The following MTUS1 variants were observed in gnomAD, a reference collection of about 807,000 sequenced individuals.
The protein encoded by MTUS1 is microtubule-associated tumor suppressor 1.
Under a neutral mutation model 120.8 loss-of-function variants are expected in MTUS1, and 109 were observed. The ratio of observed to expected loss-of-function variants is 0.90; its 90% CI spans 0.77 to 1.06. The LOEUF is 1.06. Ranked by LOEUF, MTUS1 falls within the 50% of genes least tolerant of loss-of-function variation. MTUS1 has a pLI of 0.00. For synonymous variants in MTUS1, 737 were observed against 550.5 expected (o/e 1.34, Z -4.74); for missense variants, 2,210 against 1,486.3 (o/e 1.49, Z -8.01).
At position 17,644,125 on chromosome 8, in the gene MTUS1, A is replaced by T. The variant is rs1045970391; in HGVS notation, c.*1801T>A. 6 of 152,268 alleles carry T rather than the reference A, an allele frequency of 3.9e-5. No homozygotes were observed. Among genetic ancestry groups the T allele is most frequent in the African/African-American group, 1.4e-4 (6 of 41,476 alleles). 9.4% of individuals were successfully genotyped at this position (152,268 alleles called of 1,614,324 possible). ...TGAATGGCAAACCCAACTTTGGCTA[A>T]TGTCATTGAGAACAACTTGGAAGCG... On this transcript the variant is annotated 3_prime_UTR_variant, in exon 15 of 15. Coordinates refer to ENST00000693296, the MANE Select transcript of MTUS1 (RefSeq NM_001363059.2).
At chr8:17,728,735 T>C (rs1280018422) in intron 3 of MTUS1, among the ~76,000 whole-genome samples, 1 of 152,052 alleles carries the variant, frequency 6.6e-6, no homozygotes, top group African/African-American at 2.4e-5. Flanking sequence ...AGACTCATAA[T>C]TTTAGACCTT....
At position 17,676,482 on chromosome 8, in the gene MTUS1, G is replaced by A. The variant is rs115947733; in HGVS notation, c.2839-1230C>T. 2.9e-3 allele frequency: 1,778 copies of A among 612,772 alleles called. 23 individuals carry two copies. Among genetic ancestry groups the A allele is most frequent in the African/African-American group, 0.028 (1,520 of 54,516 alleles). 38.0% of individuals were successfully genotyped at this position (612,772 alleles called of 1,614,324 possible). A position where few individuals can be genotyped will look rare whatever the true frequency, so the allele number is the denominator to read the frequency against. ...CGGGCGTCTTACTTCATGTCCTGCA[G>A]GTTACCGTGTGCCTCGGATTCCTCA... On this transcript the variant is annotated intron_variant, in intron 7 of 14. Coordinates refer to ENST00000693296, the MANE Select transcript of MTUS1 (RefSeq NM_001363059.2).
In MTUS1 at chr8:17,726,551, A is replaced by G. The variant is rs1031324197; in HGVS notation, c.2288-2718T>C. ...TGCCAACAGTAAATGATGTATTTTG[A>G]TAATGTGTTCTCCCATCATCTATAC... On this transcript the variant is annotated intron_variant, in intron 3 of 14. Coordinates refer to ENST00000693296, the MANE Select transcript of MTUS1 (RefSeq NM_001363059.2). Among the ~76,000 whole-genome samples the G allele has an allele frequency of 3.3e-5, 5 of 152,202 alleles. No homozygotes were observed. In the East Asian group the frequency reaches 7.7e-4, roughly 23 times the overall value.
intron 8 of MTUS1, among the ~76,000 whole-genome samples, chr8:17,668,259 G>T (rs550541919): frequency 6.6e-6 from 1 of 152,306 alleles, no homozygotes; most frequent in African/African-American, 2.4e-5. Flanking sequence ...TAGTGTTAGT[G>T]CATTTTATGT....
intron 3 of MTUS1, among the ~76,000 whole-genome samples, chr8:17,724,638 T>G (rs1042707450): frequency 4.6e-5 from 7 of 152,206 alleles, no homozygotes. Context: ...GCGTATCCTC[T>G]GGCATCTCTG....
chr8:17,730,021 A>G (rs1364801257), intron 3 of MTUS1, among the ~76,000 whole-genome samples: 1 of 151,894 alleles, frequency 6.6e-6, no homozygotes, highest in African/African-American at 2.4e-5. Flanking sequence ...CAAAAAATTA[A>G]CAAGTGTTGG....
chr8:17,696,265 GA>G (rs1160022941), intron 6 of MTUS1, among the ~76,000 whole-genome samples: 11 of 152,132 alleles, frequency 7.2e-5, no homozygotes, highest in African/African-American at 2.6e-4. Flanking sequence ...AGAGGTGCTG[GA>G]AAAAATGAGA....
intron 1 of MTUS1, among the ~76,000 whole-genome samples, chr8:17,759,930 T>C (rs1053845909): frequency 6.6e-6 from 1 of 151,928 alleles, no homozygotes; most frequent in Non-Finnish European, 1.5e-5. Flanking sequence ...AAAAAGAGAT[T>C]GGGTGTGGTC....
At chr8:17,707,832 C>G (rs775997292) in intron 6 of MTUS1, among the ~76,000 whole-genome samples, 18 of 152,166 alleles carry the variant, frequency 1.2e-4, no homozygotes, top group Non-Finnish European at 2.5e-4. Context: ...ACATTCTTAA[C>G]CAATTATTTT....
chr8:17,676,781 TC>T, intron 7 of MTUS1, among the ~76,000 whole-genome samples: 1 of 152,106 alleles, frequency 6.6e-6, no homozygotes, highest in East Asian at 1.9e-4. Flanking sequence ...AACTTGTTCT[TC>T]GAAGCCCATA....
chr8:17,681,501 T>C (rs1814497797), intron 7 of MTUS1: 1 of 154,684 alleles, frequency 6.5e-6, no homozygotes, highest in African/African-American at 2.4e-5. Flanking sequence ...ATGCCTCAAT[T>C]TTCATATTTG....
At position 17,666,504 on chromosome 8, in the gene MTUS1, GAAAC is replaced by G. The variant is rs1471481532; in HGVS notation, c.2905+8678_2905+8681del. The stretch of plus-strand genomic sequence containing the variant: ...TATGTATGTATTTTTTTACATAAAA[GAAAC>G]AACATTCTAGGCAGCTAGAGCAGTG... On this transcript the variant is annotated intron_variant, in intron 8 of 14. Coordinates refer to ENST00000693296, the MANE Select transcript of MTUS1 (RefSeq NM_001363059.2). Among the ~76,000 whole-genome samples the G allele has an allele frequency of 1.2e-4, 19 of 152,242 alleles. No homozygotes were observed. In the East Asian group the frequency reaches 3.7e-3, roughly 29 times the overall value.
At position 17,684,561 on chromosome 8, in the gene MTUS1, T is replaced by C. The variant is rs1292573878; in HGVS notation, c.2624-19A>G. ...TTTTCAACTGCAAAACGAATTAACA[T>C]AGGTACAAAGATAGGTGAGGTTAAT... On this transcript the variant is annotated intron_variant, in intron 6 of 14. Transcript: ENST00000693296. 1.3e-6 allele frequency: 2 copies of C among 1,596,334 alleles called. No homozygotes were observed. Among genetic ancestry groups the C allele is most frequent in the East Asian group, 2.2e-5 (1 of 44,814 alleles).
At chr8:17,687,613 T>C (rs1816094777) in intron 6 of MTUS1, among the ~76,000 whole-genome samples, 1 of 152,196 alleles carries the variant, frequency 6.6e-6, no homozygotes, top group Non-Finnish European at 1.5e-5. Context: ...ACCTTAAAAT[T>C]AAACGTCAAC....
intron 2 of MTUS1, among the ~76,000 whole-genome samples, chr8:17,747,778 G>C (rs1036288232): frequency 6.6e-6 from 1 of 152,128 alleles, no homozygotes; most frequent in African/African-American, 2.4e-5. Context: ...ACGTACATGA[G>C]ACTGGGCAAC....
At chr8:17,779,870 T>C (rs2050736608) in intron 1 of MTUS1, among the ~76,000 whole-genome samples, 1 of 152,210 alleles carries the variant, frequency 6.6e-6, no homozygotes, top group African/African-American at 2.4e-5. Context: ...TCCCACATAC[T>C]CATCTCTAGC....
At position 17,754,296 on chromosome 8, in the gene MTUS1, T is replaced by G. The variant is rs372702021; in HGVS notation, c.1512A>C (p.Arg504Ser). The G allele has an allele frequency of 1.1e-5, 18 of 1,614,010 alleles. No homozygotes were observed. Among genetic ancestry groups the G allele is most frequent in the Non-Finnish European group, 1.5e-5 (18 of 1,180,030 alleles). The change falls in exon 2 of 15, where the codon AGA becomes AGC. Residue 504 changes from arginine to serine, a missense_variant. Transcript: ENST00000693296. ...TTGCTTTGACATTCTTGAAGTTTGG[T>G]CTTGGGTAACTTATAATTTCAGTTT... Reference protein sequence around the residue: ...VRKTEIISYPRPNFKNVKAKV... With the variant: ...VRKTEIISYPSPNFKNVKAKV...
intron 7 of MTUS1, among the ~76,000 whole-genome samples, chr8:17,679,109 G>A (rs1813724351): frequency 6.7e-6 from 1 of 148,782 alleles, no homozygotes; most frequent in African/African-American, 2.5e-5. Context: ...ACAAAAGCAT[G>A]GTAGTTGCAA....
intron 1 of MTUS1, among the ~76,000 whole-genome samples, chr8:17,774,971 TAAAAAAAA>T (rs76567642): frequency 7.2e-5 from 7 of 96,980 alleles, no homozygotes; most frequent in East Asian, 6.5e-4. Context: ...ATATTATAAG[TAAAAAAAA>T]AAAAAAAAAA....
Sources: allele counts gnomAD v4.1 joint callset (sites outside exome capture counted in the v4.1 genomes callset), GRCh38; gene constraint gnomAD v4.1.1; transcripts MANE v1.5; gene names NCBI Gene and HGNC (gene_info 2026-07-23, HGNC 2026-07-21).